The following DTNA variants were observed in gnomAD, a reference collection of about 807,000 sequenced individuals.
The protein encoded by DTNA is dystrophin-related protein 3.
DTNA carries 43 observed loss-of-function variants against 100.7 expected under a neutral mutation model. That is an observed-to-expected ratio of 0.43 (90% confidence interval 0.33 to 0.55). The LOEUF is 0.55. Among genes scored for constraint, DTNA ranks in the 20% least tolerant of loss-of-function variants. The pLI, the probability that DTNA is intolerant of heterozygous loss-of-function variation, is 0.04. For missense variants in DTNA, 798 were observed against 953.9 expected (o/e 0.84, Z 2.15); for synonymous variants, 349 against 347.9 (o/e 1.00, Z -0.04).
intron 1 of DTNA, among the ~76,000 whole-genome samples, chr18:34,499,214 TTATA>T (rs2039624884): frequency 6.6e-6 from 1 of 152,208 alleles, no homozygotes; most frequent in Admixed American, 6.5e-5. Context: ...TGCAAGAATG[TTATA>T]TAAGTGGAAT....
At chr18:34,764,123 G>T (rs1312782867) in intron 2 of DTNA, among the ~76,000 whole-genome samples, 3 of 151,730 alleles carry the variant, frequency 2.0e-5, no homozygotes, top group African/African-American at 7.3e-5. Context: ...ATATAAAAAA[G>T]AAATTTCTAT....
chr18:34,516,126 C>T (rs1005355370), intron 1 of DTNA, among the ~76,000 whole-genome samples: 17 of 151,942 alleles, frequency 1.1e-4, no homozygotes, highest in Admixed American at 7.9e-4. Flanking sequence ...AAGTGTTGGC[C>T]GGTCTGAGAA....
intron 1 of DTNA, among the ~76,000 whole-genome samples, chr18:34,546,614 A>G (rs2044806338): frequency 6.6e-6 from 1 of 152,058 alleles, no homozygotes; most frequent in Admixed American, 6.6e-5. Context: ...TCTCACAAAC[A>G]CCAAGTCATC....
chr18:34,530,374 GTTCTT>G (rs1467186309), intron 1 of DTNA, among the ~76,000 whole-genome samples: 1 of 151,928 alleles, frequency 6.6e-6, no homozygotes, highest in East Asian at 1.9e-4. Flanking sequence ...ATTTACTCTA[GTTCTT>G]TTTTCTTCTC....
chr18:34,532,654 C>T (rs982546828), intron 1 of DTNA, among the ~76,000 whole-genome samples: 1 of 152,004 alleles, frequency 6.6e-6, no homozygotes, highest in East Asian at 1.9e-4. Flanking sequence ...TCAACAAAAA[C>T]AGCATGTATC....
intron 1 of DTNA, among the ~76,000 whole-genome samples, chr18:34,596,142 T>C (rs1315244389): frequency 6.6e-6 from 1 of 152,202 alleles, no homozygotes; most frequent in Non-Finnish European, 1.5e-5. Flanking sequence ...TCTGATCTTC[T>C]CCTAAGTTTT....
intron 1 of DTNA, among the ~76,000 whole-genome samples, chr18:34,641,701 A>G (rs576663005): frequency 6.6e-6 from 1 of 152,276 alleles, no homozygotes; most frequent in Non-Finnish European, 1.5e-5. Context: ...ATAACCAAAC[A>G]TTGTGTTTCA....
At chr18:34,576,837 G>A (rs2048158472) in intron 1 of DTNA, among the ~76,000 whole-genome samples, 1 of 152,120 alleles carries the variant, frequency 6.6e-6, no homozygotes, top group Non-Finnish European at 1.5e-5. Context: ...GAGGCTGCAA[G>A]GGACAAACAG....
chr18:34,631,593 A>C (rs139344092), intron 1 of DTNA, among the ~76,000 whole-genome samples: 1 of 152,352 alleles, frequency 6.6e-6, no homozygotes, highest in East Asian at 1.9e-4. Context: ...TAAAAGATCT[A>C]AATACAATGA....
intron 1 of DTNA, among the ~76,000 whole-genome samples, chr18:34,540,882 A>G (rs2145731862): frequency 6.6e-6 from 1 of 152,222 alleles, no homozygotes; most frequent in East Asian, 1.9e-4. Context: ...TTAACACACT[A>G]AACATTTCCA....
At chr18:34,759,809 T>A (rs1398550033) in intron 2 of DTNA, 1 of 152,394 alleles carries the variant, frequency 6.6e-6, no homozygotes, top group Non-Finnish European at 1.5e-5. Flanking sequence ...GCCTCCCAAG[T>A]AGCTGGGACT....
chr18:34,666,968 T>C (rs1175240250), intron 1 of DTNA, among the ~76,000 whole-genome samples: 1 of 152,196 alleles, frequency 6.6e-6, no homozygotes, highest in African/African-American at 2.4e-5. Context: ...AGAAAGTCAT[T>C]GGTAGCTTGA....
chr18:34,807,562 A>T (rs1193070099), intron 5 of DTNA, among the ~76,000 whole-genome samples: 1 of 152,130 alleles, frequency 6.6e-6, no homozygotes, highest in Non-Finnish European at 1.5e-5. Context: ...TGTTCCTTTG[A>T]AATTTCCCTG....
intron 1 of DTNA, among the ~76,000 whole-genome samples, chr18:34,654,736 T>TC (rs1181040819): frequency 6.6e-6 from 1 of 152,132 alleles, no homozygotes; most frequent in African/African-American, 2.4e-5. Flanking sequence ...GTAAATAATT[T>TC]TTTTTTTTTG....
rs764303521 is a variant in DTNA, at chr18:34,879,565, A to G, written c.2008A>G (p.Thr670Ala). 6.2e-7 allele frequency: 1 copy of G among 1,614,046 alleles called. No homozygotes were observed. The highest frequency in any genetic ancestry group is 8.5e-7 in the Non-Finnish European group (1 of 1,179,964). ...GTATCTGCTAGAGGTTGGGAGTGAA[A>G]CAGAGAGTAATGTGGATTCTGAATT... is the stretch of plus-strand genomic sequence containing the variant. ...KELNSEVGSE[T>A]ESNVDSEFAR... The change falls in exon 20 of 23, where the codon ACA becomes GCA. Residue 670 changes from threonine (T) to alanine (A), a missense_variant. By Grantham distance (58) the Thr-to-Ala change is moderately conservative. Around this residue, in one of 6 missense-constraint regions of DTNA, gnomAD observed 242 missense variants for 238.2 expected, o/e 1.02. Coordinates refer to ENST00000444659, the MANE Select transcript of DTNA (RefSeq NM_001386795.1).
At chr18:34,749,892 T>G (rs1208700546) in intron 1 of DTNA, among the ~76,000 whole-genome samples, 1 of 152,126 alleles carries the variant, frequency 6.6e-6, no homozygotes, top group African/African-American at 2.4e-5. Flanking sequence ...AGATTAGGAC[T>G]AGAATGTAAA....
At chr18:34,630,359 A>G (rs2057915877) in intron 1 of DTNA, among the ~76,000 whole-genome samples, 1 of 152,230 alleles carries the variant, frequency 6.6e-6, no homozygotes. Flanking sequence ...CATAAATGAA[A>G]TAACTGATAC....
At chr18:34,632,297 C>T (rs1190440394) in intron 1 of DTNA, among the ~76,000 whole-genome samples, 1 of 152,092 alleles carries the variant, frequency 6.6e-6, no homozygotes, top group African/African-American at 2.4e-5. Flanking sequence ...GTACATGAAG[C>T]TTATGTTCCC....
chr18:34,732,075 TGAAAA>T (rs1273343648), intron 1 of DTNA, among the ~76,000 whole-genome samples: 1 of 152,230 alleles, frequency 6.6e-6, no homozygotes, highest in Non-Finnish European at 1.5e-5. Flanking sequence ...TCCCTGAAGC[TGAAAA>T]GAAAAGAGAA....
Sources: gnomAD v4.1 joint callset for allele counts (sites outside exome capture counted in the v4.1 genomes callset) on GRCh38, gnomAD v4.1.1 for gene constraint, gnomAD v4.1.1 regional missense constraint, MANE v1.5 for transcripts, NCBI Gene and HGNC (gene_info 2026-07-23, HGNC 2026-07-21) for gene names.